The following TMEM132D variants were observed in gnomAD, a reference collection of about 807,000 sequenced individuals.
TMEM132D encodes the protein transmembrane protein 132D.
TMEM132D carries 21 observed loss-of-function variants against 62.3 expected under a neutral mutation model. That is an observed-to-expected ratio of 0.34 (90% CI 0.24 to 0.49). TMEM132D has a LOEUF of 0.49. Among genes scored for constraint, TMEM132D ranks in the 20% least tolerant of loss-of-function variants. The probability of loss-of-function intolerance (pLI) is 0.99; values close to 1 mark genes in which losing one functional copy is unlikely to be tolerated. For synonymous variants in TMEM132D, 621 were observed against 575.6 expected, an observed-to-expected ratio of 1.08 and a Z score of -1.13; for missense variants, 1,346 against 1,402.8, an observed-to-expected ratio of 0.96 and a Z score of 0.65.
rs145698732 is a variant in TMEM132D, at chr12:129,695,240, G to T, written c.968+4570C>A. Among the ~76,000 whole-genome samples the T allele has an allele frequency of 1.7e-3, 266 of 152,288 alleles. 3 individuals carry two copies. Among genetic ancestry groups the T allele is most frequent in the African/African-American group, 6.1e-3 (252 of 41,552 alleles). On this transcript the variant is annotated intron_variant, in intron 2 of 8. Coordinates refer to ENST00000422113, the MANE Select transcript of TMEM132D (RefSeq NM_133448.3). ...TGGGATCCAGGGACAGCCAAGGGGG[G>T]CAGCAGATAAAAACTAAGGAAATTT... is the stretch of plus-strand genomic sequence containing the variant.
intron 2 of TMEM132D, among the ~76,000 whole-genome samples, chr12:129,548,843 G>A (rs1005790859): frequency 1.3e-5 from 2 of 152,198 alleles, no homozygotes; most frequent in Admixed American, 1.3e-4. Context: ...TTCAACAAAC[G>A]ACCTCCTTTC....
chr12:129,081,187 G>A (rs1032771372), intron 7 of TMEM132D, among the ~76,000 whole-genome samples: 2 of 152,214 alleles, frequency 1.3e-5, no homozygotes, highest in African/African-American at 4.8e-5. Flanking sequence ...ACCATGGCTT[G>A]GGCAAAATCA....
At chr12:129,374,165 T>G (rs1402403564) in intron 3 of TMEM132D, among the ~76,000 whole-genome samples, 2 of 152,068 alleles carry the variant, frequency 1.3e-5, no homozygotes, top group Admixed American at 6.6e-5. Context: ...TTTCTCAGCA[T>G]TCTGGAAGAT....
chr12:129,339,097 T>C (rs1036505800), intron 3 of TMEM132D, among the ~76,000 whole-genome samples: 3 of 151,968 alleles, frequency 2.0e-5, no homozygotes, highest in Non-Finnish European at 4.4e-5. Context: ...AGGGCAAAAC[T>C]CTATCTCTAC....
At chr12:129,720,764 T>G (rs1429908725) in intron 1 of TMEM132D, among the ~76,000 whole-genome samples, 2 of 151,916 alleles carry the variant, frequency 1.3e-5, no homozygotes, top group African/African-American at 4.9e-5. Flanking sequence ...CTTTCTCACT[T>G]CTAGATCTGG....
chr12:129,441,700 C>T (rs1872940329), intron 3 of TMEM132D, among the ~76,000 whole-genome samples: 1 of 152,128 alleles, frequency 6.6e-6, no homozygotes, highest in African/African-American at 2.4e-5. Context: ...ATGCTCACTG[C>T]AGTACTATTC....
chr12:129,298,519 C>T (rs1465748737), intron 4 of TMEM132D, among the ~76,000 whole-genome samples: 1 of 152,126 alleles, frequency 6.6e-6, no homozygotes, highest in Non-Finnish European at 1.5e-5. Flanking sequence ...TCACTGTTAA[C>T]CGTCATCACC....
At chr12:129,597,891 C>CG (rs1173196450) in intron 2 of TMEM132D, among the ~76,000 whole-genome samples, 2 of 151,702 alleles carry the variant, frequency 1.3e-5, no homozygotes, top group African/African-American at 4.8e-5. Context: ...GCTTTATTGG[C>CG]GGGGGGTGGA....
At chr12:129,421,290 A>T (rs1352154131) in intron 3 of TMEM132D, among the ~76,000 whole-genome samples, 1 of 107,820 alleles carries the variant, frequency 9.3e-6, no homozygotes, top group Non-Finnish European at 2.0e-5. Context: ...AAGTGAGGAG[A>T]TCATAGTATG....
At chr12:129,629,564 A>C (rs930140213) in intron 2 of TMEM132D, among the ~76,000 whole-genome samples, 1 of 152,088 alleles carries the variant, frequency 6.6e-6, no homozygotes, top group Non-Finnish European at 1.5e-5. Context: ...CGTCTTCCAC[A>C]TTCTTCCATA....
At chr12:129,226,245 C>T (rs569842742) in intron 4 of TMEM132D, among the ~76,000 whole-genome samples, 2 of 152,274 alleles carry the variant, frequency 1.3e-5, no homozygotes, top group African/African-American at 4.8e-5. Context: ...AGTTCTTGGC[C>T]GCCTTCATTC....
chr12:129,241,876 C>T (rs1354137705), intron 4 of TMEM132D, among the ~76,000 whole-genome samples: 3 of 152,138 alleles, frequency 2.0e-5, no homozygotes, highest in South Asian at 2.1e-4. Flanking sequence ...ATGGATGGCA[C>T]ATATTAGGTG....
chr12:129,828,942 G>T (rs1311094773), intron 1 of TMEM132D, among the ~76,000 whole-genome samples: 1 of 151,716 alleles, frequency 6.6e-6, no homozygotes, highest in Admixed American at 6.6e-5. Flanking sequence ...AGGTGGAAGG[G>T]TATAAAGCCA....
chr12:129,299,626 A>G, intron 4 of TMEM132D, among the ~76,000 whole-genome samples: 1 of 110,336 alleles, frequency 9.1e-6, no homozygotes, highest in Admixed American at 1.1e-4. Flanking sequence ...TTGAACAATC[A>G]GGTTTTTTTT....
chr12:129,405,571 G>A (rs1290722355), intron 3 of TMEM132D, among the ~76,000 whole-genome samples: 1 of 152,176 alleles, frequency 6.6e-6, no homozygotes, highest in African/African-American at 2.4e-5. Context: ...CCCCACTGCA[G>A]GTGCTGTAGT....
rs184096349 is a variant in TMEM132D at position 129,870,615 on chromosome 12, C to T, written c.79+32646G>A. Among the ~76,000 whole-genome samples, 3 of 152,280 alleles carry T rather than the reference C, an allele frequency of 2.0e-5. No homozygotes were observed. The East Asian group carries it at 5.8e-4, about 29-fold the overall frequency. ...AGCTATCTCCTCCATGTGGCGCTTC[C>T]TGAGTTAAATCCTTTATCAGAAAAC... is the stretch of plus-strand genomic sequence containing the variant. On this transcript the variant is annotated intron_variant, in intron 1 of 8. Transcript: ENST00000422113.
chr12:129,639,620 C>A (rs1879590671), intron 2 of TMEM132D, among the ~76,000 whole-genome samples: 1 of 152,088 alleles, frequency 6.6e-6, no homozygotes, highest in African/African-American at 2.4e-5. Flanking sequence ...CAGACCATGT[C>A]TACACAGCAA....
At chr12:129,342,185 G>C (rs866205947) in intron 3 of TMEM132D, among the ~76,000 whole-genome samples, 37 of 152,288 alleles carry the variant, frequency 2.4e-4, no homozygotes, top group South Asian at 4.1e-4. Flanking sequence ...ATACTACAAG[G>C]CTATGGTAAC....
intron 3 of TMEM132D, among the ~76,000 whole-genome samples, chr12:129,404,880 C>T (rs147040707): frequency 3.9e-4 from 59 of 152,176 alleles, no homozygotes; most frequent in South Asian, 6.2e-4. Flanking sequence ...GACACAGATC[C>T]AAACCCCATC....
Sources: gnomAD v4.1 joint callset for allele counts (sites outside exome capture counted in the v4.1 genomes callset) on GRCh38, gnomAD v4.1.1 for gene constraint, MANE v1.5 for transcripts, NCBI Gene and HGNC (gene_info 2026-07-23, HGNC 2026-07-21) for gene names.